Variants in SYNPR observed in about 807,000 individuals in gnomAD.
The protein encoded by SYNPR is synaptoporin.
In SYNPR, 23 loss-of-function variants were observed where a neutral mutation model predicts 32.9. That is an observed-to-expected ratio of 0.70 (90% CI 0.50 to 0.99). The LOEUF (loss-of-function observed/expected upper bound fraction) is 0.99. SYNPR is among the 50% of genes least tolerant of loss of function. The probability of loss-of-function intolerance (pLI) is 0.00; values close to 1 mark genes in which losing one functional copy is unlikely to be tolerated. For synonymous variants in SYNPR, 146 were observed against 135.9 expected (o/e 1.07, Z -0.52); for missense variants, 318 against 349.3 (o/e 0.91, Z 0.71).
intron 2 of SYNPR, among the ~76,000 whole-genome samples, chr3:63,302,649 G>A (rs1490214059): frequency 6.6e-6 from 1 of 151,680 alleles, no homozygotes; most frequent in Non-Finnish European, 1.5e-5. Context: ...ATGAAATAAG[G>A]CACCAATAAT....
intron 4 of SYNPR, among the ~76,000 whole-genome samples, chr3:63,585,383 C>A (rs759769927): frequency 6.6e-6 from 1 of 151,854 alleles, no homozygotes; most frequent in African/African-American, 2.4e-5. Context: ...CTCAGATTTA[C>A]GAAAAGCATG....
At chr3:63,235,094 T>G (rs150417700) in intron 1 of SYNPR, among the ~76,000 whole-genome samples, 1 of 152,232 alleles carries the variant, frequency 6.6e-6, no homozygotes, top group Non-Finnish European at 1.5e-5. Flanking sequence ...TGTGTGTGTA[T>G]GTGTGTGTAC....
intron 3 of SYNPR, among the ~76,000 whole-genome samples, chr3:63,494,298 C>A (rs1018817373): frequency 6.7e-6 from 1 of 149,788 alleles, no homozygotes; most frequent in Non-Finnish European, 1.5e-5. Context: ...TTGAGCATGT[C>A]CCCTTAAAAA....
chr3:63,244,920 T>C (rs1560166782), intron 1 of SYNPR, among the ~76,000 whole-genome samples: 1 of 152,132 alleles, frequency 6.6e-6, no homozygotes, highest in East Asian at 1.9e-4. Flanking sequence ...ACATGACTGG[T>C]CTGCTTCAAA....
At chr3:63,265,739 T>TG (rs879424775) in intron 2 of SYNPR, among the ~76,000 whole-genome samples, 93 of 152,234 alleles carry the variant, frequency 6.1e-4, no homozygotes, top group Non-Finnish European at 6.8e-4. Context: ...GGAAAATTTA[T>TG]TCATCACTAG....
intron 4 of SYNPR, among the ~76,000 whole-genome samples, chr3:63,583,529 T>A (rs548061514): frequency 6.6e-6 from 1 of 152,124 alleles, no homozygotes; most frequent in Non-Finnish European, 1.5e-5. Flanking sequence ...GAAAATTTTA[T>A]AATGAGTTAG....
chr3:63,529,257 C>T (rs1702068874), intron 3 of SYNPR, among the ~76,000 whole-genome samples: 1 of 152,198 alleles, frequency 6.6e-6, no homozygotes, highest in Admixed American at 6.5e-5. Context: ...CCTCCCATAA[C>T]CTTTAAATCA....
intron 3 of SYNPR, among the ~76,000 whole-genome samples, chr3:63,269,645 C>G (rs1437710135): frequency 6.6e-6 from 1 of 152,152 alleles, no homozygotes; most frequent in East Asian, 1.9e-4. Context: ...GCTAGGTAAG[C>G]CTTTTGTAAG....
In SYNPR at chr3:63,519,792, A is replaced by C. The variant is rs374132958; in HGVS notation, c.210-36751A>C. Among the ~76,000 whole-genome samples the C allele has an allele frequency of 6.8e-4, 104 of 152,350 alleles. 1 individual carries two copies. The highest frequency in any genetic ancestry group is 2.5e-3 in the African/African-American group (102 of 41,592). On this transcript the variant is annotated intron_variant, in intron 3 of 5. Coordinates refer to ENST00000478300, the MANE Select transcript of SYNPR (RefSeq NM_001130003.2). ...ATGCATTGTATTTGTCCCCCGAAAA[A>C]GTATGCTCTTTAATGGCACCTTTAT...
chr3:63,454,492 T>A (rs1466922199), intron 2 of SYNPR, among the ~76,000 whole-genome samples: 1 of 152,178 alleles, frequency 6.6e-6, no homozygotes, highest in Non-Finnish European at 1.5e-5. Context: ...TTTTATGTGA[T>A]ACTAACAATA....
chr3:63,588,619 T>C lies in SYNPR; in HGVS notation c.409-20506T>C, dbSNP rs114843145. On this transcript the variant is annotated intron_variant, in intron 4 of 5. Coordinates refer to ENST00000478300, the MANE Select transcript of SYNPR (RefSeq NM_001130003.2). ...TTCCAGATTCACTTTTGACTAACTA[T>C]ACAAATTTATTCTTTTCCCAGTTAT... Among the ~76,000 whole-genome samples, 1,077 of 152,226 alleles carry C rather than the reference T, an allele frequency of 7.1e-3. 17 individuals carry two copies. Among genetic ancestry groups the C allele is most frequent in the African/African-American group, 0.024 (1,000 of 41,566 alleles).
At chr3:63,562,025 TC>T (rs1702699401) in intron 4 of SYNPR, among the ~76,000 whole-genome samples, 1 of 152,214 alleles carries the variant, frequency 6.6e-6, no homozygotes, top group Non-Finnish European at 1.5e-5. Flanking sequence ...CTACTGTATG[TC>T]ACTACAGTAA....
At chr3:63,513,557 T>C (rs1156637938) in intron 3 of SYNPR, among the ~76,000 whole-genome samples, 1 of 152,158 alleles carries the variant, frequency 6.6e-6, no homozygotes, top group African/African-American at 2.4e-5. Flanking sequence ...CAATATTTGC[T>C]TACAGAGAAG....
At chr3:63,457,665 A>C (rs1700507371) in intron 2 of SYNPR, among the ~76,000 whole-genome samples, 1 of 152,192 alleles carries the variant, frequency 6.6e-6, no homozygotes, top group Non-Finnish European at 1.5e-5. Context: ...CAGAAGTCTC[A>C]GTGGAGAAAA....
intron 3 of SYNPR, among the ~76,000 whole-genome samples, chr3:63,270,515 C>T (rs980480706): frequency 6.6e-6 from 1 of 152,108 alleles, no homozygotes; most frequent in African/African-American, 2.4e-5. Flanking sequence ...TGACTGGTAG[C>T]TAAATAAAAG....
chr3:63,364,665 G>T (rs1164482995), intron 2 of SYNPR, among the ~76,000 whole-genome samples: 2 of 152,116 alleles, frequency 1.3e-5, no homozygotes, highest in African/African-American at 4.8e-5. Context: ...CTCTGTCCTT[G>T]GTCCTGACCT....
At chr3:63,280,376 G>A (rs1051507287) in intron 2 of SYNPR, among the ~76,000 whole-genome samples, 2 of 151,990 alleles carry the variant, frequency 1.3e-5, no homozygotes, top group African/African-American at 2.4e-5. Flanking sequence ...AGCTCCCTGC[G>A]TAACTCTTAT....
At chr3:63,431,455 T>C (rs952996652) in intron 2 of SYNPR, among the ~76,000 whole-genome samples, 19 of 152,160 alleles carry the variant, frequency 1.2e-4, no homozygotes, top group African/African-American at 4.3e-4. Flanking sequence ...TTGCAAAATA[T>C]TGGGTTAAGA....
chr3:63,436,165 G>A (rs1310421925), intron 2 of SYNPR, among the ~76,000 whole-genome samples: 2 of 151,872 alleles, frequency 1.3e-5, no homozygotes, highest in South Asian at 2.1e-4. Context: ...TCCTATTGAG[G>A]ACGTGAGCCC....
Sources: allele counts gnomAD v4.1 joint callset (sites outside exome capture counted in the v4.1 genomes callset), GRCh38; gene constraint gnomAD v4.1.1; transcripts MANE v1.5; gene names NCBI Gene and HGNC (gene_info 2026-07-23, HGNC 2026-07-21).